Variants in TPX2 observed in about 807,000 individuals in gnomAD.
TPX2 encodes TPX2 microtubule nucleation factor.
TPX2 carries 21 observed loss-of-function variants against 93.6 expected under a neutral mutation model. That is an observed-to-expected ratio of 0.22 (90% CI 0.16 to 0.32). The LOEUF is 0.32. Ranked by LOEUF, TPX2 falls within the 10% of genes least tolerant of loss-of-function variation. The pLI is 1.00. For missense variants in TPX2, 776 were observed against 871.1 expected (o/e 0.89, Z 1.37); for synonymous variants, 281 against 298.3 (o/e 0.94, Z 0.60).
intron 12 of TPX2, among the ~76,000 whole-genome samples, chr20:31,787,702 G>C (rs975566679): frequency 6.6e-6 from 1 of 152,138 alleles, no homozygotes; most frequent in Non-Finnish European, 1.5e-5. Flanking sequence ...CATGTGAGAG[G>C]GGGTAGAGGA....
chr20:31,776,821 C>T (rs1238033468), intron 8 of TPX2, among the ~76,000 whole-genome samples: 1 of 152,210 alleles, frequency 6.6e-6, no homozygotes, highest in African/African-American at 2.4e-5. Flanking sequence ...GCCACCGTGC[C>T]TGGCTCACTG....
chr20:31,784,603 T>C (rs550117718), intron 12 of TPX2, among the ~76,000 whole-genome samples: 1 of 152,212 alleles, frequency 6.6e-6, no homozygotes, highest in East Asian at 1.9e-4. Flanking sequence ...TTCCAGGCAG[T>C]AGGAATTACA....
At chr20:31,762,959 T>G (rs1357999347) in intron 4 of TPX2, among the ~76,000 whole-genome samples, 1 of 152,216 alleles carries the variant, frequency 6.6e-6, no homozygotes, top group African/African-American at 2.4e-5. Context: ...TTCTTGGTGC[T>G]GTTGTCAAAA....
chr20:31,794,755 A>AGTGTGT (rs35018680), intron 15 of TPX2, among the ~76,000 whole-genome samples: 3,300 of 145,464 alleles, frequency 0.023, 79 homozygotes, highest in African/African-American at 0.062. Context: ...TCTGTCGCAT[A>AGTGTGT]GTGTGTGTGT....
chr20:31,780,810 C>A, intron 10 of TPX2: 1 of 258,346 alleles, frequency 3.9e-6, no homozygotes. Flanking sequence ...TTTTAACTTT[C>A]TCCATTTGAT....
chr20:31,792,532 C>A lies in TPX2; in HGVS notation c.1414-203C>A, dbSNP rs369020561. Among the ~76,000 whole-genome samples the A allele has an allele frequency of 6.5e-4, 99 of 152,108 alleles. No individual in the cohort carries two copies. In the South Asian group the frequency reaches 0.02, roughly 30 times the overall value. Reference sequence around the variant, plus strand: ...AAAAACTCAAAAATATCATTCTAGGCCATGTGCAGTGGCTCACACCTGTAA... The same window carrying A: ...AAAAACTCAAAAATATCATTCTAGGACATGTGCAGTGGCTCACACCTGTAA... On this transcript the variant is annotated intron_variant, in intron 12 of 17. Coordinates refer to ENST00000300403, the MANE Select transcript of TPX2 (RefSeq NM_012112.5).
Position 31,777,591 on chromosome 20 carries a change from A to C in TPX2, c.835A>C (p.Lys279Gln), listed in dbSNP as rs147694982. ...KQHPKNQEEY[K>Q]EVNFTSELRK... Reference sequence around the variant, plus strand: ...ACATCCTAAGAACCAGGAGGAATATAAGGAAGTGAACTTTACATCTGAACT... The same window carrying C: ...ACATCCTAAGAACCAGGAGGAATATCAGGAAGTGAACTTTACATCTGAACT... The change falls in exon 9 of 18, where the codon AAG becomes CAG. Residue 279 changes from lysine to glutamine, a missense_variant. Coordinates refer to ENST00000300403, the MANE Select transcript of TPX2 (RefSeq NM_012112.5). 1.2e-6 allele frequency: 2 copies of C among 1,614,166 alleles called. No homozygotes were observed. The highest frequency in any genetic ancestry group is 1.7e-6 in the Non-Finnish European group (2 of 1,180,018).
At chr20:31,754,658 C>T (rs1474450769) in intron 2 of TPX2, among the ~76,000 whole-genome samples, 4 of 152,002 alleles carry the variant, frequency 2.6e-5, no homozygotes, top group African/African-American at 9.7e-5. Flanking sequence ...AGTTCCACCT[C>T]TTAAGATTTA....
At chr20:31,746,191 A>G (rs866185876) in intron 2 of TPX2, among the ~76,000 whole-genome samples, 1 of 152,210 alleles carries the variant, frequency 6.6e-6, no homozygotes, top group Non-Finnish European at 1.5e-5. Context: ...CAATTTCAAC[A>G]TAGAAGTTAG....
chr20:31,800,791 A>G (rs562602098), intron 17 of TPX2, among the ~76,000 whole-genome samples, 179 bp from the exon 18 acceptor site: 42 of 152,356 alleles, frequency 2.8e-4, no homozygotes, highest in African/African-American at 8.9e-4. Context: ...TGGGCTCCAA[A>G]GCACATACAC....
At chr20:31,747,788 T>TTTG (rs2061793663) in intron 2 of TPX2, among the ~76,000 whole-genome samples, 1 of 151,048 alleles carries the variant, frequency 6.6e-6, no homozygotes, top group Admixed American at 6.6e-5. Flanking sequence ...TTTTTTTTTT[T>TTTG]TGGTGAGACC....
At chr20:31,759,546 T>C (rs1015553407) in intron 3 of TPX2, among the ~76,000 whole-genome samples, 3 of 151,958 alleles carry the variant, frequency 2.0e-5, no homozygotes, top group Non-Finnish European at 4.4e-5. Context: ...ATTAAAGGCA[T>C]GTGCCACCAC....
intron 13 of TPX2, 57 bp from the exon 14 acceptor site, chr20:31,793,791 C>G: frequency 6.9e-7 from 1 of 1,459,628 alleles, no homozygotes; most frequent in Non-Finnish European, 9.2e-7. Flanking sequence ...ACTCCACATT[C>G]TGGGGAAGTT....
intron 2 of TPX2, among the ~76,000 whole-genome samples, chr20:31,745,130 T>C (rs1403797120): frequency 6.6e-6 from 1 of 152,172 alleles, no homozygotes; most frequent in Admixed American, 6.5e-5. Flanking sequence ...ACTTTTGACA[T>C]GTAACACCAA....
At chr20:31,748,269 A>T (rs866443928) in intron 2 of TPX2, among the ~76,000 whole-genome samples, 10 of 152,116 alleles carry the variant, frequency 6.6e-5, no homozygotes, top group African/African-American at 2.4e-4. Flanking sequence ...TTTGTTCCCC[A>T]CTAATCAAAT....
intron 2 of TPX2, among the ~76,000 whole-genome samples, chr20:31,749,531 T>TA (rs1217091324): frequency 1.3e-5 from 2 of 152,082 alleles, no homozygotes; most frequent in East Asian, 3.9e-4. Context: ...CACGGTGGCT[T>TA]ACGCTAGTAA....
In TPX2 at chr20:31,801,190, C is replaced by T; in HGVS notation, c.*110C>T. Reference sequence around the variant, plus strand: ...CATGGAGAGAACCCATTTCTCCAGACTTTTACCTACCCGTGCCTGAGAAAG... The same window carrying T: ...CATGGAGAGAACCCATTTCTCCAGATTTTTACCTACCCGTGCCTGAGAAAG... On this transcript the variant is annotated 3_prime_UTR_variant, in exon 18 of 18. Coordinates refer to ENST00000300403, the MANE Select transcript of TPX2 (RefSeq NM_012112.5). 2 of 902,088 alleles carry T rather than the reference C, an allele frequency of 2.2e-6. No individual in the cohort carries two copies. The highest frequency in any genetic ancestry group is 1.5e-5 in the South Asian group (1 of 65,042). 55.9% of individuals were successfully genotyped at this position (902,088 alleles called of 1,614,324 possible). A position where few individuals can be genotyped will look rare whatever the true frequency, so the allele number is the denominator to read the frequency against.
intron 2 of TPX2, among the ~76,000 whole-genome samples, chr20:31,743,355 A>T (rs2061764536): frequency 6.6e-6 from 1 of 152,146 alleles, no homozygotes; most frequent in Non-Finnish European, 1.5e-5. Flanking sequence ...CTATGTAAAT[A>T]GTTGTTATAC....
At chr20:31,794,293 G>A in intron 14 of TPX2, 109 bp from the exon 15 acceptor site, 1 of 1,412,574 alleles carries the variant, frequency 7.1e-7, no homozygotes, top group Non-Finnish European at 9.6e-7. Context: ...CTTTCATGCT[G>A]CTTTGAAAGG....
Sources: allele counts gnomAD v4.1 joint callset (sites outside exome capture counted in the v4.1 genomes callset), GRCh38; gene constraint gnomAD v4.1.1; transcripts MANE v1.5; gene names NCBI Gene and HGNC (gene_info 2026-07-23, HGNC 2026-07-21).